The following ZNF804B variants were observed in gnomAD, a reference collection of about 807,000 sequenced individuals.
The protein encoded by ZNF804B is zinc finger 804B.
In ZNF804B, 80 loss-of-function variants were observed where a neutral mutation model predicts 101.4. The observed-to-expected ratio is 0.79, with a 90% CI of 0.66 to 0.95. ZNF804B has a LOEUF of 0.95. Ranked by LOEUF, ZNF804B falls within the 40% of genes least tolerant of loss-of-function variation. The probability of loss-of-function intolerance (pLI) is 0.00; values close to 1 mark genes in which losing one functional copy is unlikely to be tolerated. For missense variants in ZNF804B, 1,673 were observed against 1,561.9 expected, an observed-to-expected ratio of 1.07 and a Z score of -1.20; for synonymous variants, 622 against 558.8, an observed-to-expected ratio of 1.11 and a Z score of -1.59.
intron 1 of ZNF804B, among the ~76,000 whole-genome samples, chr7:88,909,849 A>T (rs1792523147): frequency 6.6e-6 from 1 of 151,724 alleles, no homozygotes; most frequent in Non-Finnish European, 1.5e-5. Flanking sequence ...GACTGCATAA[A>T]CGTCCTAATT....
chr7:89,316,019 G>A (rs958439279), intron 2 of ZNF804B, among the ~76,000 whole-genome samples: 3 of 152,138 alleles, frequency 2.0e-5, no homozygotes, highest in East Asian at 1.9e-4. Context: ...GTGTGTGTCT[G>A]TGTATGCATG....
At chr7:89,155,179 T>C (rs1301011393) in intron 1 of ZNF804B, among the ~76,000 whole-genome samples, 1 of 152,164 alleles carries the variant, frequency 6.6e-6, no homozygotes, top group Non-Finnish European at 1.5e-5. Context: ...TCTCTTGGGG[T>C]TTATAACTGT....
chr7:89,019,728 C>T (rs1370907575), intron 1 of ZNF804B, among the ~76,000 whole-genome samples: 1 of 151,792 alleles, frequency 6.6e-6, no homozygotes, highest in Non-Finnish European at 1.5e-5. Flanking sequence ...ATACAATGTC[C>T]TTTTTGTTTC....
rs888051287 is a variant in ZNF804B, at chr7:88,759,791, C to T, written c.-186C>T. The T allele has an allele frequency of 8.3e-6, 5 of 598,910 alleles. No individual in the cohort carries two copies. The highest frequency in any genetic ancestry group is 1.2e-5 in the Non-Finnish European group (4 of 336,578). 37.1% of individuals were successfully genotyped at this position (598,910 alleles called of 1,614,324 possible). ...GCCGCCGCCTCTGTCAGAGCAGCAG[C>T]TGTCGGCAGCAGGAGCCCCGCACGG... On this transcript the variant is annotated 5_prime_UTR_variant, in exon 1 of 4. Transcript: ENST00000333190.
chr7:89,269,142 C>A (rs1789844348), intron 2 of ZNF804B, among the ~76,000 whole-genome samples: 1 of 151,986 alleles, frequency 6.6e-6, no homozygotes, highest in African/African-American at 2.4e-5. Context: ...TATACATGTG[C>A]CATGTTGGTG....
chr7:88,981,030 A>C (rs948735679), intron 1 of ZNF804B, among the ~76,000 whole-genome samples: 2 of 152,044 alleles, frequency 1.3e-5, no homozygotes, highest in Non-Finnish European at 2.9e-5. Context: ...ACTCTAAGAC[A>C]AAGTCCTTGT....
At chr7:88,780,288 A>G (rs1790204066) in intron 1 of ZNF804B, among the ~76,000 whole-genome samples, 1 of 152,152 alleles carries the variant, frequency 6.6e-6, no homozygotes, top group African/African-American at 2.4e-5. Flanking sequence ...ACTAAAAATT[A>G]GAGACATACT....
intron 1 of ZNF804B, among the ~76,000 whole-genome samples, chr7:89,122,147 T>C (rs1478216709): frequency 6.6e-6 from 1 of 152,122 alleles, no homozygotes; most frequent in East Asian, 1.9e-4. Flanking sequence ...CTGTCCTGTC[T>C]GATATGACAG....
At chr7:89,319,579 G>T (rs891662686) in intron 2 of ZNF804B, among the ~76,000 whole-genome samples, 1 of 152,130 alleles carries the variant, frequency 6.6e-6, no homozygotes, top group Non-Finnish European at 1.5e-5. Flanking sequence ...CTGTTTACGC[G>T]TGAAAACATA....
intron 2 of ZNF804B, among the ~76,000 whole-genome samples, chr7:89,280,213 GAACAAAGACAC>G (rs969520361): frequency 4.6e-5 from 7 of 151,840 alleles, no homozygotes; most frequent in Non-Finnish European, 7.4e-5. Context: ...AAACCAATGA[GAACAAAGACAC>G]AACATACCAG....
chr7:89,259,331 G>T (rs1424089842), intron 2 of ZNF804B, among the ~76,000 whole-genome samples: 2 of 152,034 alleles, frequency 1.3e-5, no homozygotes, highest in African/African-American at 2.4e-5. Flanking sequence ...TTTGTTTTTG[G>T]TTTTTGCCAC....
Position 89,075,668 on chromosome 7 carries a change from G to T in ZNF804B, c.109-142487G>T, listed in dbSNP as rs550832104. Among the ~76,000 whole-genome samples, 25 of 152,224 alleles carry T rather than the reference G, an allele frequency of 1.6e-4. No individual in the cohort carries two copies. In the South Asian group the frequency reaches 2.9e-3, roughly 18 times the overall value. ...CACACAGAGTCCCTACTGGCGCACC[G>T]CCTAGTAGAGTATGAGAAGAAGGCC... On this transcript the variant is annotated intron_variant, in intron 1 of 3. Coordinates refer to ENST00000333190, the MANE Select transcript of ZNF804B (RefSeq NM_181646.5).
At chr7:89,325,331 A>G (rs1182087409) in intron 2 of ZNF804B, among the ~76,000 whole-genome samples, 1 of 152,024 alleles carries the variant, frequency 6.6e-6, no homozygotes, top group East Asian at 1.9e-4. Flanking sequence ...CCTAAACACA[A>G]TTAATCTTTT....
chr7:89,215,732 A>T (rs1358360649), intron 1 of ZNF804B, among the ~76,000 whole-genome samples: 1 of 151,610 alleles, frequency 6.6e-6, no homozygotes, highest in Non-Finnish European at 1.5e-5. Context: ...AAATACAAAA[A>T]ATTAGCCGGG....
intron 1 of ZNF804B, among the ~76,000 whole-genome samples, chr7:88,866,780 T>C (rs1791733350): frequency 6.6e-6 from 1 of 152,170 alleles, no homozygotes; most frequent in African/African-American, 2.4e-5. Context: ...TAGGGTGATT[T>C]GTTGAATATT....
chr7:88,878,482 G>A (rs865808469), intron 1 of ZNF804B, among the ~76,000 whole-genome samples: 1 of 152,214 alleles, frequency 6.6e-6, no homozygotes, highest in African/African-American at 2.4e-5. Context: ...GATATAATAA[G>A]GGTGTCTGCC....
At chr7:89,331,985 G>T (rs1790991570) in intron 3 of ZNF804B, among the ~76,000 whole-genome samples, 2 of 150,962 alleles carry the variant, frequency 1.3e-5, no homozygotes, top group South Asian at 2.1e-4. Flanking sequence ...CTATTAAAAT[G>T]TTATACATAC....
Position 89,336,495 on chromosome 7 carries a change from G to A in ZNF804B, c.3513G>A (p.Lys1171=). Residue 1171 remains lysine (K), a synonymous_variant, in exon 4 of 4, where the codon AAG becomes AAA. Transcript: ENST00000333190. ...LQLQAQQHMQ[K]QLLSKHLRVL... ...TACAAGCCCAGCAGCATATGCAGAA[G>A]CAACTCCTATCAAAGCATCTTCGAG... The A allele has an allele frequency of 6.2e-7, 1 of 1,614,016 alleles. No individual in the cohort carries two copies. Among genetic ancestry groups the A allele is most frequent in the South Asian group, 1.1e-5 (1 of 91,072 alleles).
chr7:89,221,240 A>G (rs955010255), intron 2 of ZNF804B, among the ~76,000 whole-genome samples: 5 of 151,972 alleles, frequency 3.3e-5, no homozygotes, highest in Admixed American at 6.6e-5. Flanking sequence ...CCCCTGCTAC[A>G]TATATTAGAT....
Sources: gnomAD v4.1 joint callset for allele counts (sites outside exome capture counted in the v4.1 genomes callset) on GRCh38, gnomAD v4.1.1 for gene constraint, MANE v1.5 for transcripts, NCBI Gene and HGNC (gene_info 2026-07-23, HGNC 2026-07-21) for gene names.